FGF13: variants seen among roughly 807,000 people sequenced by gnomAD.
The protein encoded by FGF13 is fibroblast growth factor homologous factor 2.
Under a neutral mutation model 19.5 loss-of-function variants are expected in FGF13, and 2 were observed. That is an observed-to-expected ratio of 0.10 (90% CI 0.04 to 0.32). The LOEUF (loss-of-function observed/expected upper bound fraction) is 0.32, where lower values mean the gene tolerates loss of function less well. Among genes scored for constraint, FGF13 ranks in the 10% least tolerant of loss-of-function variants. The pLI is 1.00. For missense variants in FGF13, 113 were observed against 192.7 expected (o/e 0.59, Z 2.45); for synonymous variants, 72 against 76.9 (o/e 0.94, Z 0.33).
intron 3 of FGF13, among the ~76,000 whole-genome samples, chrX:138,783,765 C>G (rs1222734059): frequency 9.2e-6 from 1 of 108,387 alleles, no homozygotes; most frequent in Admixed American, 1.0e-4. Flanking sequence ...GGCGATTCCT[C>G]AGGGATCTAG....
chrX:138,940,664 C>T (rs949128314), intron 1 of FGF13, among the ~76,000 whole-genome samples: 1 of 111,452 alleles, frequency 9.0e-6, no homozygotes, highest in African/African-American at 3.3e-5. Flanking sequence ...GCCAGTTATC[C>T]CAGCACCATT....
rs192476763 is a variant in FGF13, at chrX:139,034,696, C to A, written c.-113+168720G>T. Among the ~76,000 whole-genome samples the A allele has an allele frequency of 2.7e-3, 306 of 111,458 alleles. 2 individuals are homozygous for A. Among genetic ancestry groups the A allele is most frequent in the African/African-American group, 8.3e-3 (256 of 30,764 alleles). On this transcript the variant is annotated intron_variant, in intron 1 of 2. Coordinates refer to the FGF13 transcript ENST00000421460. ...AGACTGGGCTTATTTTTCTTAAATA[C>A]TTCACTTGTTGATTTTTCTACTCCT...
intron 1 of FGF13, among the ~76,000 whole-genome samples, chrX:139,041,152 G>A (rs1308330060): frequency 1.8e-5 from 2 of 109,282 alleles, no homozygotes; most frequent in African/African-American, 6.7e-5. Context: ...AACCACCATG[G>A]CACACATTGA....
chrX:138,812,616 T>A (rs1358001584), intron 3 of FGF13, among the ~76,000 whole-genome samples: 1 of 111,673 alleles, frequency 9.0e-6, no homozygotes, highest in Non-Finnish European at 1.9e-5. Flanking sequence ...TAGACCAATG[T>A]GATAATACAT....
intron 1 of FGF13, among the ~76,000 whole-genome samples, chrX:138,879,714 T>A (rs1215297405): frequency 1.8e-5 from 2 of 109,380 alleles, no homozygotes; most frequent in African/African-American, 6.7e-5. Context: ...TGTGTCCATG[T>A]GTTCTCATTG....
At chrX:138,786,860 A>C (rs1465575952) in intron 3 of FGF13, among the ~76,000 whole-genome samples, 2 of 112,412 alleles carry the variant, frequency 1.8e-5, no homozygotes, top group Non-Finnish European at 3.7e-5. Context: ...TTTTCAGGTC[A>C]CAACATATCA....
intron 1 of FGF13, among the ~76,000 whole-genome samples, chrX:139,122,143 G>C (rs1343435956): frequency 9.0e-6 from 1 of 111,551 alleles, no homozygotes; most frequent in East Asian, 2.8e-4. Flanking sequence ...TCTCTAACAA[G>C]TGGCTAACAC....
chrX:138,908,255 T>C (rs1254885628), intron 1 of FGF13, among the ~76,000 whole-genome samples: 1 of 108,742 alleles, frequency 9.2e-6, no homozygotes, highest in Non-Finnish European at 1.9e-5. Flanking sequence ...TTTTTTTGTA[T>C]TTTTAGTAGA....
At chrX:138,780,761 C>T (rs1016276011) in intron 3 of FGF13, among the ~76,000 whole-genome samples, 9 of 110,573 alleles carry the variant, frequency 8.1e-5, no homozygotes, top group Admixed American at 2.9e-4. Context: ...ATCCACGAGA[C>T]GGAAAGTCAA....
intron 1 of FGF13, among the ~76,000 whole-genome samples, chrX:138,918,202 AGTAT>A (rs1234578707): frequency 1.8e-5 from 2 of 110,158 alleles, no homozygotes; most frequent in Non-Finnish European, 3.8e-5. Context: ...CTTGTGCTTC[AGTAT>A]TATTTTAATG....
chrX:139,192,211 GACA>G (rs2084336552), intron 1 of FGF13, among the ~76,000 whole-genome samples: 1 of 112,213 alleles, frequency 8.9e-6, no homozygotes, highest in Non-Finnish European at 1.9e-5. Flanking sequence ...ACATACAGTT[GACA>G]ACAATGCTGG....
At chrX:139,106,466 CA>C (rs751485423) in intron 1 of FGF13, among the ~76,000 whole-genome samples, 3 of 112,086 alleles carry the variant, frequency 2.7e-5, no homozygotes, top group Non-Finnish European at 5.6e-5. Context: ...CAGAGTTTTG[CA>C]ATTTCCTGCT....
intron 1 of FGF13, among the ~76,000 whole-genome samples, chrX:139,025,913 TC>T (rs2092198954): frequency 9.0e-6 from 1 of 111,107 alleles, no homozygotes; most frequent in African/African-American, 3.3e-5. Flanking sequence ...TCTAGACCTC[TC>T]TTCTACATCT....
chrX:138,978,235 C>CCTG (rs200082925), intron 1 of FGF13, among the ~76,000 whole-genome samples: 1,124 of 105,857 alleles, frequency 0.011, 25 homozygotes, highest in African/African-American at 0.037. Context: ...TACTTTCCAA[C>CCTG]CTGTTTAATC....
intron 1 of FGF13, among the ~76,000 whole-genome samples, chrX:138,721,770 T>C (rs748145354): frequency 2.7e-5 from 3 of 110,200 alleles, no homozygotes; most frequent in African/African-American, 9.9e-5. Flanking sequence ...ATGAATGGCA[T>C]ACAAAATCAT....
At chrX:138,795,176 T>A (rs1485247806) in intron 3 of FGF13, among the ~76,000 whole-genome samples, 1 of 111,898 alleles carries the variant, frequency 8.9e-6, no homozygotes, top group Non-Finnish European at 1.9e-5. Flanking sequence ...GATTCCCAAG[T>A]GCCTCTAGCT....
intron 1 of FGF13, among the ~76,000 whole-genome samples, chrX:139,012,679 C>A: frequency 8.9e-6 from 1 of 111,777 alleles, no homozygotes; most frequent in Non-Finnish European, 1.9e-5. Flanking sequence ...TCATCTCCTA[C>A]CCTATACAAA....
At chrX:138,889,903 AAT>A (rs2091468236) in intron 1 of FGF13, among the ~76,000 whole-genome samples, 1 of 109,484 alleles carries the variant, frequency 9.1e-6, no homozygotes, top group South Asian at 4.0e-4. Flanking sequence ...ACATGAGAGG[AAT>A]ATGTTACCCA....
chrX:138,714,237 G>A (rs187485012), upstream of FGF13: 170 of 112,049 alleles, frequency 1.5e-3, no homozygotes, highest in African/African-American at 5.1e-3. Flanking sequence ...CTTCCACAAA[G>A]AGAACTCACA....
Sources: gnomAD v4.1 joint callset for allele counts (sites outside exome capture counted in the v4.1 genomes callset) on GRCh38, gnomAD v4.1.1 for gene constraint, MANE v1.5 for transcripts, NCBI Gene and HGNC (gene_info 2026-07-23, HGNC 2026-07-21) for gene names.